Variants in CELSR1 observed in about 807,000 individuals in gnomAD.
CELSR1 encodes adhesion G protein-coupled receptor C1.
In CELSR1, 110 loss-of-function variants were observed where a neutral mutation model predicts 249.1. The ratio of observed to expected loss-of-function variants is 0.44; its 90% CI spans 0.38 to 0.52. CELSR1 has a LOEUF of 0.52. CELSR1 is among the 20% of genes least tolerant of loss of function. The pLI, the probability that CELSR1 is intolerant of heterozygous loss-of-function variation, is 0.00. For synonymous variants in CELSR1, 2,113 were observed against 1,900.0 expected (o/e 1.11, Z -2.92); for missense variants, 4,109 against 4,296.4 (o/e 0.96, Z 1.22).
chr22:46,412,740 C>A lies in CELSR1; in HGVS notation c.4612-981G>T, dbSNP rs1013929292. ...AGGAGGAAAAGCAGCACCCGCCCTA[C>A]ACAATCCATGCTGGCCACGGAACTT... On this transcript the variant is annotated intron_variant, in intron 5 of 34. Transcript: ENST00000674500. This position sits in a 1 kb window ranked among gnomAD's most constrained non-coding sequence, Gnocchi z 4.5. Among the ~76,000 whole-genome samples, 5 of 152,244 alleles carry A rather than the reference C, an allele frequency of 3.3e-5. No homozygotes were observed. Among genetic ancestry groups the A allele is most frequent in the Admixed American group, 3.3e-4 (5 of 15,288 alleles).
chr22:46,426,150 G>GGGCGCAGCC (rs2079535681), intron 5 of CELSR1, among the ~76,000 whole-genome samples: 1 of 152,148 alleles, frequency 6.6e-6, no homozygotes, highest in Non-Finnish European at 1.5e-5. Flanking sequence ...CAGCCGGGGA[G>GGGCGCAGCC]GGGGCTGAGT....
In CELSR1 at chr22:46,537,505, G is replaced by C. The variant is rs893209858; in HGVS notation, c.-335C>G. Among the ~76,000 whole-genome samples the C allele has an allele frequency of 6.7e-6, 1 of 148,932 alleles. No individual in the cohort carries two copies. The highest frequency in any genetic ancestry group is 2.4e-5 in the African/African-American group (1 of 41,048). On this transcript the variant is annotated 5_prime_UTR_variant, in exon 1 of 35. Transcript: ENST00000674500. This position sits in a 1 kb window ranked among gnomAD's most constrained non-coding sequence, Gnocchi z 5.8. ...GGCTCCGGCGCGGGCTCGGCCGGAC[G>C]GGCGTGGGAAGCGGGGCGGGCCCGG...
chr22:46,440,462 G>A lies in CELSR1; in HGVS notation c.4184-1051C>T, dbSNP rs8137203. On this transcript the variant is annotated intron_variant, in intron 2 of 34. Coordinates refer to ENST00000674500, the MANE Select transcript of CELSR1 (RefSeq NM_001378328.1). This position sits in a 1 kb window ranked among gnomAD's most constrained non-coding sequence, Gnocchi z 4.7. ...GATCCGCCTGCCTTGGCCTCCCAAAGTGCTGGGATTACAGGCGTGAGCCAC... is the reference window on the plus strand; with the variant it reads ...GATCCGCCTGCCTTGGCCTCCCAAAATGCTGGGATTACAGGCGTGAGCCAC... Among the ~76,000 whole-genome samples the A allele has an allele frequency of 1.3e-5, 2 of 152,232 alleles. No individual in the cohort carries two copies. Among genetic ancestry groups the A allele is most frequent in the South Asian group, 4.1e-4 (2 of 4,832 alleles).
chr22:46,433,361 G>C lies in CELSR1; in HGVS notation c.4611+32C>G. The C allele has an allele frequency of 6.3e-7, 1 of 1,588,082 alleles. No individual in the cohort carries two copies. Among genetic ancestry groups the C allele is most frequent in the Non-Finnish European group, 8.6e-7 (1 of 1,159,126 alleles). ...CAGGGCACCTTCTCGAGCCGCCCTGGGGCCAGGGGGAAGTGGTGGGGCCCA... is the reference window on the plus strand; with the variant it reads ...CAGGGCACCTTCTCGAGCCGCCCTGCGGCCAGGGGGAAGTGGTGGGGCCCA... On this transcript the variant is annotated intron_variant, in intron 5 of 34. Coordinates refer to ENST00000674500, the MANE Select transcript of CELSR1 (RefSeq NM_001378328.1). This position sits in a 1 kb window ranked among gnomAD's most constrained non-coding sequence, Gnocchi z 5.7.
Position 46,490,365 on chromosome 22 carries a change from C to G in CELSR1, c.3545-26020G>C, listed in dbSNP as rs1228657380. Among the ~76,000 whole-genome samples, 1 of 152,194 alleles carries G rather than the reference C, an allele frequency of 6.6e-6. No individual in the cohort carries two copies. Among genetic ancestry groups the G allele is most frequent in the Non-Finnish European group, 1.5e-5 (1 of 68,044 alleles). On this transcript the variant is annotated intron_variant, in intron 1 of 34. Coordinates refer to ENST00000674500, the MANE Select transcript of CELSR1 (RefSeq NM_001378328.1). This position sits in a 1 kb window ranked among gnomAD's most constrained non-coding sequence, Gnocchi z 5.2. ...ACAGCGGCGCAATCTTGGCTCACTC[C>G]AACCTCCGCCTCCCGAGTTCAACCA...
chr22:46,371,729 A>C (rs868401364), intron 25 of CELSR1, among the ~76,000 whole-genome samples: 3 of 144,908 alleles, frequency 2.1e-5, no homozygotes, highest in Non-Finnish European at 3.0e-5. Context: ...CCACCCATCC[A>C]TCCACTCACT....
rs2079579184 is a variant in CELSR1, at chr22:46,430,236, C to T, written c.4611+3157G>A. ...GTGGGCAGCAGCGGCATGGCCCGCACCAATGCTTCCACCCTCTCCAGACTG... is the reference window on the plus strand; with the variant it reads ...GTGGGCAGCAGCGGCATGGCCCGCATCAATGCTTCCACCCTCTCCAGACTG... On this transcript the variant is annotated intron_variant, in intron 5 of 34. Transcript: ENST00000674500. This position sits in a 1 kb window ranked among gnomAD's most constrained non-coding sequence, Gnocchi z 4.6. 6.6e-6 allele frequency among the ~76,000 whole-genome samples: 1 copy of T among 152,194 alleles called. No homozygotes were observed. Among genetic ancestry groups the T allele is most frequent in the African/African-American group, 2.4e-5 (1 of 41,446 alleles).
intron 2 of CELSR1, among the ~76,000 whole-genome samples, chr22:46,458,144 A>T (rs1362824262): frequency 6.6e-6 from 1 of 152,098 alleles, no homozygotes; most frequent in East Asian, 1.9e-4. Context: ...CATTCAGGGA[A>T]GACCTGGGGG....
At position 46,468,326 on chromosome 22, in the gene CELSR1, T is replaced by C. The variant is rs2080119498; in HGVS notation, c.3545-3981A>G. Among the ~76,000 whole-genome samples, 1 of 148,842 alleles carries C rather than the reference T, an allele frequency of 6.7e-6. No individual in the cohort carries two copies. Among genetic ancestry groups the C allele is most frequent in the Non-Finnish European group, 1.5e-5 (1 of 67,474 alleles). On this transcript the variant is annotated intron_variant, in intron 1 of 34. Coordinates refer to ENST00000674500, the MANE Select transcript of CELSR1 (RefSeq NM_001378328.1). The surrounding 1 kb of genome is among the most constrained non-coding windows in gnomAD (Gnocchi z 4.5). ...GCTTGAACCCAAGAGGTGGAGGTTG[T>C]GGTGAGCCAAGATCATACCACTGCA...
intron 5 of CELSR1, among the ~76,000 whole-genome samples, chr22:46,432,874 T>C (rs543623416): frequency 1.3e-5 from 2 of 152,160 alleles, no homozygotes; most frequent in Non-Finnish European, 2.9e-5. Context: ...CCCAGAGCTC[T>C]GGGTGGGACT....
intron 5 of CELSR1, among the ~76,000 whole-genome samples, chr22:46,422,318 G>A (rs531779058): frequency 5.9e-4 from 90 of 152,118 alleles, no homozygotes; most frequent in African/African-American, 2.0e-3. Flanking sequence ...AGGTTGGCCA[G>A]GCTGGTTTTG....
In CELSR1 at chr22:46,364,743, C is replaced by A. The variant is rs775700319; in HGVS notation, c.8555-7G>T. Reference sequence around the variant, plus strand: ...TGGTTGGCCACAGCGTCCCCTGAGGCACGAGAGCGGTGCTCAGCAGGCAGC... The same window carrying A: ...TGGTTGGCCACAGCGTCCCCTGAGGAACGAGAGCGGTGCTCAGCAGGCAGC... On this transcript the variant is annotated splice_polypyrimidine_tract_variant and splice_region_variant and intron_variant, in intron 32 of 34. Coordinates refer to ENST00000674500, the MANE Select transcript of CELSR1 (RefSeq NM_001378328.1). The A allele has an allele frequency of 1.2e-6, 2 of 1,610,088 alleles. No homozygotes were observed. Among genetic ancestry groups the A allele is most frequent in the South Asian group, 2.2e-5 (2 of 90,794 alleles).
At chr22:46,475,361 G>A (rs2080197586) in intron 1 of CELSR1, among the ~76,000 whole-genome samples, 1 of 152,134 alleles carries the variant, frequency 6.6e-6, no homozygotes, top group South Asian at 2.1e-4. Flanking sequence ...AGTGAAAGAG[G>A]CCGGTCACAA....
Position 46,409,977 on chromosome 22 carries a change from C to A in CELSR1, c.4934-97G>T. The A allele has an allele frequency of 6.6e-7, 1 of 1,520,414 alleles. No homozygotes were observed. The allele number at this position is 1,520,414 out of a possible 1,614,324, so 94.2% of individuals were successfully genotyped here. On this transcript the variant is annotated intron_variant, in intron 7 of 34. Transcript: ENST00000674500. This position sits in a 1 kb window ranked among gnomAD's most constrained non-coding sequence, Gnocchi z 9.8. ...GTGGGAAACCAGGACGGAATGGACC[C>A]GGGGCTGGACAGAAGTCAGACCAGG... is the stretch of plus-strand genomic sequence containing the variant.
At chr22:46,367,915 C>CCTCT (rs1438389729) in intron 27 of CELSR1, 60 bp from the exon 28 acceptor site, 1 of 1,540,294 alleles carries the variant, frequency 6.5e-7, no homozygotes. Flanking sequence ...TTCCTCCCTC[C>CCTCT]CTCTCTGCAC....
intron 1 of CELSR1, among the ~76,000 whole-genome samples, chr22:46,466,083 G>A (rs1192913402): frequency 6.6e-6 from 1 of 152,228 alleles, no homozygotes; most frequent in African/African-American, 2.4e-5. Flanking sequence ...CTCCCACAGA[G>A]CACCTCGGAG....
At chr22:46,364,893 G>A (rs771720235) in intron 32 of CELSR1, among the ~76,000 whole-genome samples, 157 bp from the exon 33 acceptor site, 13 of 152,352 alleles carry the variant, frequency 8.5e-5, no homozygotes, top group Middle Eastern at 3.4e-3. Flanking sequence ...CCAGGAGGGC[G>A]AGTCCTGGCA....
chr22:46,453,646 G>T (rs2079911963), intron 2 of CELSR1, among the ~76,000 whole-genome samples: 1 of 152,170 alleles, frequency 6.6e-6, no homozygotes, highest in Non-Finnish European at 1.5e-5. Flanking sequence ...TGAAAGTGCT[G>T]ACCGGAAGCG....
intron 13 of CELSR1, among the ~76,000 whole-genome samples, chr22:46,394,843 C>A (rs1469914811): frequency 6.6e-6 from 1 of 152,210 alleles, no homozygotes; most frequent in African/African-American, 2.4e-5. Flanking sequence ...CCTCCCCCGG[C>A]AGAGAGCAAC....
Sources: allele counts gnomAD v4.1 joint callset (sites outside exome capture counted in the v4.1 genomes callset), GRCh38; gene constraint gnomAD v4.1.1; non-coding constraint Gnocchi (gnomAD v3.1); transcripts MANE v1.5; gene names NCBI Gene and HGNC (gene_info 2026-07-23, HGNC 2026-07-21).